Variants in DNAAF11 observed in about 807,000 individuals in gnomAD.
The protein encoded by DNAAF11 is dynein axonemal assembly factor 11.
DNAAF11 carries 45 observed loss-of-function variants against 60.8 expected under a neutral mutation model. The observed-to-expected ratio is 0.74, with a 90% CI of 0.58 to 0.95. The LOEUF (loss-of-function observed/expected upper bound fraction) is 0.95. Ranked by LOEUF, DNAAF11 falls within the 40% of genes least tolerant of loss-of-function variation. DNAAF11 has a pLI of 0.00. For synonymous variants in DNAAF11, 191 were observed against 183.5 expected (o/e 1.04, Z -0.33); for missense variants, 546 against 546.2 (o/e 1.00, Z 0.00).
chr8:132,646,955 G>C (rs902939196), intron 3 of DNAAF11, among the ~76,000 whole-genome samples: 1 of 152,080 alleles, frequency 6.6e-6, no homozygotes. Flanking sequence ...AGTTAACAAG[G>C]ATATCCAGGA....
chr8:132,593,328 C>CACACATATATATATATATATATATAT (rs1816655268), intron 10 of DNAAF11, among the ~76,000 whole-genome samples: 1 of 67,566 alleles, frequency 1.5e-5, no homozygotes, highest in Admixed American at 1.7e-4. Flanking sequence ...AGAATATATA[C>CACACATATATATATATATATATATAT]ATACATATAT....
chr8:132,580,361 G>GA (rs1815201031), intron 11 of DNAAF11, among the ~76,000 whole-genome samples: 1 of 152,168 alleles, frequency 6.6e-6, no homozygotes, highest in South Asian at 2.1e-4. Context: ...CAGGCATACA[G>GA]AAAATCTAAA....
chr8:132,698,001 C>G, the DNAAF11 span, among the ~76,000 whole-genome samples: 2 of 152,056 alleles, frequency 1.3e-5, no homozygotes, highest in Non-Finnish European at 2.9e-5. Context: ...ATCACAACAC[C>G]CCTGTGAGAT....
At chr8:132,661,342 C>T in intron 2 of DNAAF11, 118 bp downstream of exon 2, 1 of 809,728 alleles carries the variant, frequency 1.2e-6, no homozygotes, top group Admixed American at 3.0e-5. Context: ...ATGGCTGTGT[C>T]TGTTTTCCCA....
At chr8:132,607,778 A>C (rs979185090) in intron 10 of DNAAF11, among the ~76,000 whole-genome samples, 1 of 151,776 alleles carries the variant, frequency 6.6e-6, no homozygotes, top group African/African-American at 2.4e-5. Flanking sequence ...GCAAAATCTC[A>C]CTCTCTTTAG....
At chr8:132,581,131 A>T (rs1161988324) in intron 11 of DNAAF11, among the ~76,000 whole-genome samples, 2 of 152,324 alleles carry the variant, frequency 1.3e-5, no homozygotes, top group East Asian at 3.9e-4. Context: ...ACTTTAAACA[A>T]ACTTAATTCC....
At position 132,583,783 on chromosome 8, in the gene DNAAF11, A is replaced by C. The variant is rs984782962; in HGVS notation, c.1141-4T>G. On this transcript the variant is annotated splice_region_variant and splice_polypyrimidine_tract_variant and intron_variant, in intron 10 of 11. Coordinates refer to ENST00000620350, the MANE Select transcript of DNAAF11 (RefSeq NM_012472.6). ...CACCTGTGATTACTTCTCCTACCTAAAATAAAAATGAAACACACACCAAGT... is the reference window on the plus strand; with the variant it reads ...CACCTGTGATTACTTCTCCTACCTACAATAAAAATGAAACACACACCAAGT... The C allele has an allele frequency of 6.2e-7, 1 of 1,607,530 alleles. No homozygotes were observed. The highest frequency in any genetic ancestry group is 8.5e-7 in the Non-Finnish European group (1 of 1,174,114).
intron 3 of DNAAF11, among the ~76,000 whole-genome samples, chr8:132,652,890 T>C (rs1475022204): frequency 6.6e-6 from 1 of 151,912 alleles, no homozygotes; most frequent in Admixed American, 6.6e-5. Flanking sequence ...CGTATACCTA[T>C]GTAACAAGCC....
chr8:132,656,844 AT>A lies in DNAAF11; in HGVS notation c.241del (p.Ile81Ter). On this transcript the variant is annotated frameshift_variant, in exon 3 of 12. Transcript: ENST00000620350. LOFTEE classifies it high-confidence loss of function. Reference sequence around the variant, plus strand: ...AACAGTCTTACCTTCCAAGTTTTCTATTTTTTCAATGTTGTTTAAAGCTAAA... The same window carrying A: ...AACAGTCTTACCTTCCAAGTTTTCTATTTTTCAATGTTGTTTAAAGCTAAA... ...LNLALNNIEK[I>X]ENLEGCEELA... 6 of 1,340,618 alleles carry A rather than the reference AT, an allele frequency of 4.5e-6. No individual in the cohort carries two copies. Among genetic ancestry groups the A allele is most frequent in the Non-Finnish European group, 6.3e-6 (6 of 955,462 alleles). The allele number at this position is 1,340,618 out of a possible 1,614,324, so 83.0% of individuals were successfully genotyped here. A position where few individuals can be genotyped will look rare whatever the true frequency, so the allele number is the denominator to read the frequency against.
chr8:132,656,024 C>T (rs544524663), intron 3 of DNAAF11, among the ~76,000 whole-genome samples: 6 of 152,208 alleles, frequency 3.9e-5, no homozygotes, highest in African/African-American at 1.2e-4. Flanking sequence ...AAACTGTGCA[C>T]ATGTACACAA....
chr8:132,671,129 T>C (rs1825149435), intron 1 of DNAAF11, among the ~76,000 whole-genome samples: 1 of 152,184 alleles, frequency 6.6e-6, no homozygotes, highest in South Asian at 2.1e-4. Context: ...GGTAGAGAAG[T>C]AGAATTATTT....
intron 10 of DNAAF11, among the ~76,000 whole-genome samples, chr8:132,586,151 G>A (rs191366151): frequency 1.3e-5 from 2 of 152,270 alleles, no homozygotes; most frequent in East Asian, 3.9e-4. Context: ...AGAACGGGGG[G>A]AAGGGGTCTC....
At chr8:132,698,955 T>C in the DNAAF11 span, among the ~76,000 whole-genome samples, 270 of 59,406 alleles carry the variant, frequency 4.5e-3, 1 homozygote, top group East Asian at 0.025. Flanking sequence ...TATATATATA[T>C]ACACACACAC....
intron 10 of DNAAF11, among the ~76,000 whole-genome samples, chr8:132,608,189 C>T (rs1437786670): frequency 6.6e-6 from 1 of 151,852 alleles, no homozygotes; most frequent in Non-Finnish European, 1.5e-5. Context: ...AAATTATTCC[C>T]CAAAGTTTGT....
chr8:132,689,306 G>C, the DNAAF11 span, among the ~76,000 whole-genome samples: 10 of 152,238 alleles, frequency 6.6e-5, no homozygotes, highest in African/African-American at 2.2e-4. Context: ...GCCCTTATTT[G>C]TACTTGAAAT....
intron 5 of DNAAF11, among the ~76,000 whole-genome samples, chr8:132,631,898 G>A (rs1429657250): frequency 2.0e-5 from 3 of 152,038 alleles, no homozygotes; most frequent in Non-Finnish European, 4.4e-5. Context: ...ATAGCATTAG[G>A]AGATATACCT....
intron 1 of DNAAF11, among the ~76,000 whole-genome samples, chr8:132,668,663 C>T (rs917650507): frequency 1.3e-5 from 2 of 151,958 alleles, no homozygotes; most frequent in African/African-American, 2.4e-5. Context: ...AGGATGGTCT[C>T]GATCTCTTGA....
At chr8:132,620,374 G>T (rs186196326) in intron 7 of DNAAF11, among the ~76,000 whole-genome samples, 25 of 152,164 alleles carry the variant, frequency 1.6e-4, no homozygotes, top group Non-Finnish European at 3.2e-4. Flanking sequence ...TTACTCTGTC[G>T]CCCAGGCAGG....
chr8:132,674,147 A>AGGAGGAGGAG (rs1825502024), intron 1 of DNAAF11, among the ~76,000 whole-genome samples: 1 of 32,094 alleles, frequency 3.1e-5, no homozygotes, highest in African/African-American at 1.4e-4. Context: ...AGGAGGAGGA[A>AGGAGGAGGAG]GAGGAGGAGG....
Sources: allele counts gnomAD v4.1 joint callset (sites outside exome capture counted in the v4.1 genomes callset), GRCh38; gene constraint gnomAD v4.1.1; transcripts MANE v1.5; gene names NCBI Gene and HGNC (gene_info 2026-07-23, HGNC 2026-07-21).